Variants in TRABD2B observed in about 807,000 individuals in gnomAD.
The protein encoded by TRABD2B is TraB domain containing 2B.
TRABD2B carries 14 observed loss-of-function variants against 40.1 expected under a neutral mutation model. The ratio of observed to expected loss-of-function variants is 0.35; its 90% confidence interval spans 0.23 to 0.55. TRABD2B has a LOEUF of 0.55. Ranked by LOEUF, TRABD2B falls within the 20% of genes least tolerant of loss-of-function variation. The pLI is 0.90. For synonymous variants in TRABD2B, 263 were observed against 277.0 expected, an observed-to-expected ratio of 0.95 and a Z score of 0.50; for missense variants, 541 against 648.6, an observed-to-expected ratio of 0.83 and a Z score of 1.80.
intron 2 of TRABD2B, among the ~76,000 whole-genome samples, chr1:47,909,328 C>T (rs1393298954): frequency 1.4e-5 from 2 of 143,418 alleles, no homozygotes; most frequent in African/African-American, 3.0e-5. Flanking sequence ...TGGTGAGGGC[C>T]GCAGGCTGCT....
At chr1:47,873,789 A>C (rs1453131280) in intron 2 of TRABD2B, among the ~76,000 whole-genome samples, 1 of 152,186 alleles carries the variant, frequency 6.6e-6, no homozygotes, top group African/African-American at 2.4e-5. Context: ...TTATTTTACT[A>C]TGTCAGAATC....
intron 2 of TRABD2B, among the ~76,000 whole-genome samples, chr1:47,980,628 T>C (rs900372600): frequency 1.3e-5 from 2 of 152,190 alleles, no homozygotes; most frequent in Admixed American, 6.5e-5. Context: ...TTCCCTGCCC[T>C]ACACTAGAAA....
rs1644295051 is a variant in TRABD2B at position 47,765,890 on chromosome 1, G to C, written c.*12C>G. On this transcript the variant is annotated 3_prime_UTR_variant, in exon 7 of 7. Coordinates refer to ENST00000606738, the MANE Select transcript of TRABD2B (RefSeq NM_001194986.2). ...GTCATTTCTCTGGCTTCTCCACTTGGGGTGGCCGAGGTCAGGAGGGCCCAA... is the reference window on the plus strand; with the variant it reads ...GTCATTTCTCTGGCTTCTCCACTTGCGGTGGCCGAGGTCAGGAGGGCCCAA... 1.4e-6 allele frequency: 1 copy of C among 702,848 alleles called. No individual in the cohort carries two copies. Among genetic ancestry groups the C allele is most frequent in the Admixed American group, 2.0e-5 (1 of 49,992 alleles). 43.5% of individuals were successfully genotyped at this position (702,848 alleles called of 1,614,324 possible). A position where few individuals can be genotyped will look rare whatever the true frequency, so the allele number is the denominator to read the frequency against.
intron 2 of TRABD2B, among the ~76,000 whole-genome samples, chr1:47,845,372 T>C (rs1645455266): frequency 6.6e-6 from 1 of 152,238 alleles, no homozygotes; most frequent in African/African-American, 2.4e-5. Flanking sequence ...GAGTAATTAT[T>C]TTGCTCTTAC....
chr1:47,977,381 C>T (rs1299735319), intron 2 of TRABD2B, among the ~76,000 whole-genome samples: 1 of 152,092 alleles, frequency 6.6e-6, no homozygotes, highest in East Asian at 1.9e-4. Context: ...CAGGTTAGTC[C>T]ATTTTTAATA....
intron 2 of TRABD2B, among the ~76,000 whole-genome samples, chr1:47,847,749 C>A (rs1310710634): frequency 1.3e-5 from 2 of 152,180 alleles, no homozygotes; most frequent in Admixed American, 1.3e-4. Flanking sequence ...GTCCACATTA[C>A]CAAAATCATA....
Position 47,772,085 on chromosome 1 carries a change from G to A in TRABD2B, c.1349+3085C>T, listed in dbSNP as rs186430754. ...GGAAGGGAGGCCTCAGCTGGGCCAG[G>A]GAGAGGGGGAAGGGCAACCACATGG... is the stretch of plus-strand genomic sequence containing the variant. On this transcript the variant is annotated intron_variant, in intron 6 of 6. Transcript: ENST00000606738. 4.0e-3 allele frequency among the ~76,000 whole-genome samples: 612 copies of A among 152,054 alleles called. 8 individuals are homozygous for A. The highest frequency in any genetic ancestry group is 0.014 in the African/African-American group (591 of 41,484).
intron 3 of TRABD2B, among the ~76,000 whole-genome samples, chr1:47,797,517 G>C (rs1484782410): frequency 6.6e-6 from 1 of 152,146 alleles, no homozygotes; most frequent in Admixed American, 6.5e-5. Flanking sequence ...CCACAAATGT[G>C]CATGTACACA....
At chr1:47,955,446 G>A (rs1398472844) in intron 2 of TRABD2B, among the ~76,000 whole-genome samples, 1 of 152,096 alleles carries the variant, frequency 6.6e-6, no homozygotes, top group Non-Finnish European at 1.5e-5. Flanking sequence ...TCAAAGAATG[G>A]CCAGTGGCTC....
At chr1:47,990,768 GTTTTATATATATATATATATATAT>G (rs1358533194) in intron 2 of TRABD2B, among the ~76,000 whole-genome samples, 3 of 44,938 alleles carry the variant, frequency 6.7e-5, no homozygotes, top group African/African-American at 1.1e-4. Context: ...TAAAACGTTG[GTTTTATATATATATATATATATAT>G]ATATATATAT....
intron 2 of TRABD2B, among the ~76,000 whole-genome samples, chr1:47,802,226 C>T (rs557029058): frequency 6.6e-6 from 1 of 151,850 alleles, no homozygotes; most frequent in South Asian, 2.1e-4. Context: ...GCATCAGGAT[C>T]ACTGTGGGCA....
intron 2 of TRABD2B, among the ~76,000 whole-genome samples, chr1:47,906,571 T>A (rs945915579): frequency 6.6e-6 from 1 of 152,174 alleles, no homozygotes; most frequent in Non-Finnish European, 1.5e-5. Flanking sequence ...CAGGGCTCTG[T>A]CCAATCTCCC....
intron 2 of TRABD2B, among the ~76,000 whole-genome samples, chr1:47,920,026 A>G (rs1245059922): frequency 6.6e-6 from 1 of 152,188 alleles, no homozygotes; most frequent in Non-Finnish European, 1.5e-5. Flanking sequence ...TTTACACAGA[A>G]AGCTCAATTA....
At chr1:47,958,856 C>G (rs539450175) in intron 2 of TRABD2B, among the ~76,000 whole-genome samples, 3 of 152,238 alleles carry the variant, frequency 2.0e-5, no homozygotes, top group South Asian at 2.1e-4. Flanking sequence ...TCTGCACCAA[C>G]CGGACCTAAT....
At chr1:47,901,390 G>C (rs1644597572) in intron 2 of TRABD2B, among the ~76,000 whole-genome samples, 1 of 152,218 alleles carries the variant, frequency 6.6e-6, no homozygotes, top group Admixed American at 6.5e-5. Context: ...TCCTAGGGAA[G>C]TCTGCTCAGG....
At chr1:47,987,502 G>C (rs547082487) in intron 2 of TRABD2B, among the ~76,000 whole-genome samples, 2 of 152,272 alleles carry the variant, frequency 1.3e-5, no homozygotes, top group Admixed American at 6.5e-5. Context: ...AATATCTCAT[G>C]ACATTTTGGT....
intron 2 of TRABD2B, among the ~76,000 whole-genome samples, chr1:47,824,351 C>T (rs1022199416): frequency 3.9e-5 from 6 of 152,172 alleles, no homozygotes; most frequent in Non-Finnish European, 7.3e-5. Context: ...ACCAGCGCCC[C>T]CTCAACAGCC....
At chr1:47,965,210 GTGGAGGGGGGGGTGGGGGGGGT>G in intron 2 of TRABD2B, among the ~76,000 whole-genome samples, 1 of 88,962 alleles carries the variant, frequency 1.1e-5, no homozygotes. Flanking sequence ...GCGGGGGGGG[GTGGAGGGGGGGGTGGGGGGGGT>G]GGATGGGGAG....
chr1:47,942,987 G>A (rs1453433148), intron 2 of TRABD2B, among the ~76,000 whole-genome samples: 2 of 152,310 alleles, frequency 1.3e-5, no homozygotes, highest in South Asian at 2.1e-4. Context: ...AAACCCAAAC[G>A]TACTTGAATC....
Sources: allele counts gnomAD v4.1 joint callset (sites outside exome capture counted in the v4.1 genomes callset), GRCh38; gene constraint gnomAD v4.1.1; transcripts MANE v1.5; gene names NCBI Gene and HGNC (gene_info 2026-07-23, HGNC 2026-07-21).